Variants in PLEC observed in about 807,000 individuals in gnomAD.
The protein encoded by PLEC is hemidesmosomal protein 1.
PLEC carries 216 observed loss-of-function variants against 392.8 expected under a neutral mutation model. The observed-to-expected ratio is 0.55, with a 90% CI of 0.49 to 0.62. The LOEUF (loss-of-function observed/expected upper bound fraction) is 0.62, where lower values mean the gene tolerates loss of function less well. Among genes scored for constraint, PLEC ranks in the 20% least tolerant of loss-of-function variants. PLEC has a pLI of 0.00. For missense variants in PLEC, 6,863 were observed against 6,563.4 expected, an observed-to-expected ratio of 1.05 and a Z score of -1.58; for synonymous variants, 3,621 against 2,980.6, an observed-to-expected ratio of 1.21 and a Z score of -7.00.
rs956744202 is a variant in PLEC at position 143,916,029 on chromosome 8, G to A, written c.*148C>T. The A allele has an allele frequency of 3.1e-5, 18 of 580,160 alleles. No individual in the cohort carries two copies. The highest frequency in any genetic ancestry group is 6.8e-5 in the South Asian group (3 of 44,004). 35.9% of individuals were successfully genotyped at this position (580,160 alleles called of 1,614,324 possible). A position where few individuals can be genotyped will look rare whatever the true frequency, so the allele number is the denominator to read the frequency against. On this transcript the variant is annotated 3_prime_UTR_variant, in exon 32 of 32. Coordinates refer to ENST00000345136, the MANE Select transcript of PLEC (RefSeq NM_201384.3). ...CAAGATACAGGCTGTCTGGACAGCA[G>A]ATATATATTAATATATTAGTCTGGT...
At chr8:143,957,244 G>A (rs538927711), upstream of PLEC, among the ~76,000 whole-genome samples, 7 of 152,266 alleles carry the variant, frequency 4.6e-5, no homozygotes, top group South Asian at 4.1e-4. Flanking sequence ...GCAAAGCCCC[G>A]GCCACTGCCC....
intron 25 of PLEC, among the ~76,000 whole-genome samples, chr8:143,928,493 T>C (rs1482001012): frequency 2.3e-5 from 3 of 127,900 alleles, no homozygotes; most frequent in African/African-American, 8.9e-5. Context: ...ATCACTGTGC[T>C]GGTTCTGTGA....
At position 143,931,622 on chromosome 8, in the gene PLEC, T is replaced by C; in HGVS notation, c.2216A>G (p.Gln739Arg). The C allele has an allele frequency of 1.2e-6, 2 of 1,601,566 alleles. No homozygotes were observed. The highest frequency in any genetic ancestry group is 1.7e-6 in the Non-Finnish European group (2 of 1,174,676). ...SDVREAEGQL[Q>R]KLQEALRRKY... ...CCTACGCAGTGCCTCCTGCAGCTTC[T>C]GCAACTGCCCCTCGGCCTCCCGCAC... The change falls in exon 19 of 32, where the codon CAG becomes CGG. Residue 739 changes from glutamine (Q) to arginine (R), a missense_variant. Gln to Arg is a conservative substitution (Grantham distance 43, BLOSUM62 1). Transcript: ENST00000345136.
In PLEC at chr8:143,915,901, T is replaced by C; in HGVS notation, c.*276A>G. 3 of 305,652 alleles carry C rather than the reference T, an allele frequency of 9.8e-6. No individual in the cohort carries two copies. The highest frequency in any genetic ancestry group is 9.6e-4 in the Middle Eastern group (1 of 1,038). 18.9% of individuals were successfully genotyped at this position (305,652 alleles called of 1,614,324 possible). Reference sequence around the variant, plus strand: ...ACAGGAGGGTGGGCTGGGGCCCAGCTTGGGACCCTCCAAGGCACCTGGCTG... The same window carrying C: ...ACAGGAGGGTGGGCTGGGGCCCAGCCTGGGACCCTCCAAGGCACCTGGCTG... On this transcript the variant is annotated 3_prime_UTR_variant, in exon 32 of 32. Coordinates refer to ENST00000345136, the MANE Select transcript of PLEC (RefSeq NM_201384.3).
chr8:143,927,743 T>C lies in PLEC; in HGVS notation c.3423A>G (p.Ala1141=). 6.3e-7 allele frequency: 1 copy of C among 1,597,796 alleles called. No individual in the cohort carries two copies. The highest frequency in any genetic ancestry group is 8.5e-7 in the Non-Finnish European group (1 of 1,171,846). ...SLKKLRAQAE[A]QQPTFDALRD... is the part of the protein sequence containing the mutation. ...GCAGGGCGTCGAACGTGGGCTGCTG[T>C]GCCTCGGCCTGGGCCCGCAGCTTCT... The change falls in exon 27 of 32, where the codon GCA becomes GCG. Residue 1141 remains alanine (A), a synonymous_variant. Coordinates refer to ENST00000345136, the MANE Select transcript of PLEC (RefSeq NM_201384.3).
Position 143,924,362 on chromosome 8 carries a change from A to G in PLEC, c.5567T>C (p.Leu1856Pro), listed in dbSNP as rs782224548. The G allele has an allele frequency of 1.9e-6, 3 of 1,596,714 alleles. No homozygotes were observed. Among genetic ancestry groups the G allele is most frequent in the Non-Finnish European group, 2.5e-6 (3 of 1,178,718 alleles). The change falls in exon 31 of 32, where the codon CTC becomes CCC. Residue 1856 changes from leucine (L) to proline (P), a missense_variant. Coordinates refer to ENST00000345136, the MANE Select transcript of PLEC (RefSeq NM_201384.3). ...TRLKTEAEIA[L>P]KEKEAENERL... ...CTCGTTCTCCGCCTCCTTCTCCTTGAGCGCGATCTCCGCCTCCGTCTTGAG... is the reference window on the plus strand; with the variant it reads ...CTCGTTCTCCGCCTCCTTCTCCTTGGGCGCGATCTCCGCCTCCGTCTTGAG...
chr8:143,976,283 G>A (rs1554746013), upstream of PLEC, among the ~76,000 whole-genome samples: 1 of 152,122 alleles, frequency 6.6e-6, no homozygotes, highest in Non-Finnish European at 1.5e-5. Flanking sequence ...ACTGGCGTGC[G>A]GGAGGTGAAT....
At position 143,919,333 on chromosome 8, in the gene PLEC, C is replaced by T. The variant is rs781932668; in HGVS notation, c.10488G>A (p.Glu3496=). 3.1e-6 allele frequency: 5 copies of T among 1,613,994 alleles called. No homozygotes were observed. Among genetic ancestry groups the T allele is most frequent in the Non-Finnish European group, 2.5e-6 (3 of 1,180,046 alleles). The change falls in exon 32 of 32, where the codon GAG becomes GAA. Residue 3496 remains glutamate (E), a synonymous_variant. Transcript: ENST00000345136. ...DVAYQRGYFS[E]EMNRVLADPS... is the part of the protein sequence containing the mutation. The stretch of plus-strand genomic sequence containing the variant: ...GGTCCGCCAGGACGCGGTTCATCTC[C>T]TCACTGAAGTAGCCGCGCTGGTAGG...
Position 143,924,623 on chromosome 8 carries a change from G to T in PLEC, c.5306C>A (p.Ala1769Asp), listed in dbSNP as rs782682154. Residue 1769 changes from alanine to aspartate, a missense_variant, in exon 31 of 32, where the codon GCC becomes GAC. Physicochemically the swap from Ala to Asp is moderately radical, Grantham distance 126. Transcript: ENST00000345136. ...CTCCTCCTCAGCCCTCGCCTTGCTGGCCAGCAGCACCTCCATCTCGGCCCG... is the reference window on the plus strand; with the variant it reads ...CTCCTCCTCAGCCCTCGCCTTGCTGTCCAGCAGCACCTCCATCTCGGCCCG... The part of the protein sequence containing the change: ...KVRAEMEVLL[A>D]SKARAEEESR... The T allele has an allele frequency of 1.3e-6, 2 of 1,539,978 alleles. No homozygotes were observed. The highest frequency in any genetic ancestry group is 2.7e-5 in the African/African-American group (2 of 73,168).
At chr8:143,939,709 A>G (rs898202643), upstream of PLEC, 13 of 1,295,748 alleles carry the variant, frequency 1.0e-5, no homozygotes, top group African/African-American at 1.5e-4. Context: ...GGCGGGAAGG[A>G]GCAAGCAGCC....
At position 143,917,042 on chromosome 8, in the gene PLEC, G is replaced by A; in HGVS notation, c.12779C>T (p.Pro4260Leu). 6.2e-7 allele frequency: 1 copy of A among 1,610,344 alleles called. No homozygotes were observed. Among genetic ancestry groups the A allele is most frequent in the Non-Finnish European group, 8.5e-7 (1 of 1,177,832 alleles). The change falls in exon 32 of 32, where the codon CCC becomes CTC. Residue 4260 changes from proline (P) to leucine (L), a missense_variant. Physicochemically the swap from Pro to Leu is moderately conservative, Grantham distance 98. Coordinates refer to ENST00000345136, the MANE Select transcript of PLEC (RefSeq NM_201384.3). ...GGCCAGCTGGGTCCTGGAGACGGCG[G>A]GGCTGATGGGGTAGGAGGAGGAGGA... is the stretch of plus-strand genomic sequence containing the variant. ...VGSSSSYPISPAVSRTQLASW... is the reference protein window; with the variant it reads ...VGSSSSYPISLAVSRTQLASW...
Position 143,934,060 on chromosome 8 carries a change from G to A in PLEC, c.1201C>T (p.Leu401=), listed in dbSNP as rs781977572. The change falls in exon 12 of 32, where the codon CTG becomes TTG. Residue 401 remains leucine (L), a synonymous_variant. Transcript: ENST00000345136. The part of the protein sequence containing the change: ...LECLQRIVTK[L]QMEAGLCEEQ... ...TCACACAGCCCCGCCTCCATCTGCA[G>A]CTTGGTCACGATGCGCTGAAGACAC... The A allele has an allele frequency of 5.0e-5, 81 of 1,611,788 alleles. No individual in the cohort carries two copies. The highest frequency in any genetic ancestry group is 6.6e-5 in the Non-Finnish European group (78 of 1,179,612).
At position 143,935,106 on chromosome 8, in the gene PLEC, G is replaced by A. The variant is rs782283467; in HGVS notation, c.730C>T (p.Pro244Ser). 3 of 1,612,980 alleles carry A rather than the reference G, an allele frequency of 1.9e-6. No homozygotes were observed. The highest frequency in any genetic ancestry group is 1.3e-5 in the African/African-American group (1 of 75,038). The change falls in exon 8 of 32, where the codon CCT becomes TCT. Residue 244 changes from proline (P) to serine (S), a missense_variant. Physicochemically the swap from Pro to Ser is moderately conservative, Grantham distance 74. Transcript: ENST00000345136. ...RLLDPEDVDVPQPDEKSIITY... is the reference protein window; with the variant it reads ...RLLDPEDVDVSQPDEKSIITY... ...ATGATGGACTTCTCGTCGGGCTGAG[G>A]GACATCCACGTCTGCAGGGAAGGGC...
At chr8:143,943,702 G>A (rs987442252), upstream of PLEC, 162 of 1,335,162 alleles carry the variant, frequency 1.2e-4, 3 homozygotes, top group South Asian at 1.4e-3. Context: ...AGGGGAGGGC[G>A]CAGGGAATGA....
chr8:143,951,130 C>T (rs73715570), upstream of PLEC, among the ~76,000 whole-genome samples: 38,798 of 152,074 alleles, frequency 0.26, 5,166 homozygotes, highest in Middle Eastern at 0.4. Context: ...CTAAACACAT[C>T]CTTCAAGGTC....
Position 143,920,737 on chromosome 8 carries a change from A to C in PLEC, c.9084T>G (p.Gly3028=). 1 of 1,604,068 alleles carries C rather than the reference A, an allele frequency of 6.2e-7. No individual in the cohort carries two copies. The highest frequency in any genetic ancestry group is 8.5e-7 in the Non-Finnish European group (1 of 1,179,882). The part of the protein sequence containing the change: ...RALRGANVIA[G]VWLEEAGQKL... ...TCTGCCCCGCCTCCTCCAGCCATAC[A>C]CCCGCGATGACGTTGGCACCCCGGA... Residue 3028 remains glycine, a synonymous_variant, in exon 32 of 32, where the codon GGT becomes GGG. Transcript: ENST00000345136.
chr8:143,950,501 T>C (rs782313043), exon 1 of PLEC: 2 of 1,608,512 alleles, frequency 1.2e-6, no homozygotes, highest in Admixed American at 1.7e-5. Context: ...CCAGTAAAAG[T>C]GGCACCAGGC....
At chr8:143,946,431 G>T in intron 1 of PLEC, 1 of 1,284,540 alleles carries the variant, frequency 7.8e-7, no homozygotes, top group Non-Finnish European at 1.0e-6. Context: ...GAGCCGGCAG[G>T]GAGGAAGGCG....
upstream of PLEC, chr8:143,939,693 T>C (rs1244364045): frequency 1.5e-6 from 2 of 1,352,834 alleles, no homozygotes; most frequent in Non-Finnish European, 1.9e-6. Context: ...GGGAGGGGAG[T>C]GTCCCGGCGG....
Sources: allele counts gnomAD v4.1 joint callset (sites outside exome capture counted in the v4.1 genomes callset), GRCh38; gene constraint gnomAD v4.1.1; transcripts MANE v1.5; gene names NCBI Gene and HGNC (gene_info 2026-07-23, HGNC 2026-07-21).